USP34: variants seen among roughly 807,000 people sequenced by gnomAD.
The protein encoded by USP34 is ubiquitin specific peptidase 34.
A neutral mutation model predicts 460.3 loss-of-function variants in USP34; 70 were observed. The ratio of observed to expected loss-of-function variants is 0.15; its 90% CI spans 0.13 to 0.19. The LOEUF (loss-of-function observed/expected upper bound fraction) is 0.19, where lower values mean the gene tolerates loss of function less well. Among genes scored for constraint, USP34 ranks in the 10% least tolerant of loss-of-function variants. The pLI is 1.00. For missense variants in USP34, 3,985 were observed against 4,236.2 expected (o/e 0.94, Z 1.65); for synonymous variants, 1,647 against 1,405.3 (o/e 1.17, Z -3.85).
chr2:61,267,397 A>G (rs936237456), intron 41 of USP34, among the ~76,000 whole-genome samples: 2 of 152,182 alleles, frequency 1.3e-5, no homozygotes, highest in Middle Eastern at 3.2e-3. Context: ...AGTTCTTAGC[A>G]AAGAAACGTT....
chr2:61,354,283 C>T (rs909813183), intron 10 of USP34, among the ~76,000 whole-genome samples: 3 of 152,092 alleles, frequency 2.0e-5, no homozygotes, highest in South Asian at 4.1e-4. Flanking sequence ...AAGAGATCCT[C>T]GATAAGATTA....
At chr2:61,371,498 A>G (rs181686539) in intron 8 of USP34, among the ~76,000 whole-genome samples, 3 of 152,192 alleles carry the variant, frequency 2.0e-5, no homozygotes, top group African/African-American at 7.2e-5. Context: ...TAAAGAAAAA[A>G]TACTTTTGTA....
At chr2:61,358,094 A>T (rs1692160130) in intron 10 of USP34, among the ~76,000 whole-genome samples, 2 of 152,164 alleles carry the variant, frequency 1.3e-5, no homozygotes, top group Non-Finnish European at 2.9e-5. Context: ...CAGGAGGCTG[A>T]GACAGGAGAA....
chr2:61,246,847 T>C (rs1006492512), intron 49 of USP34, among the ~76,000 whole-genome samples: 2 of 152,138 alleles, frequency 1.3e-5, no homozygotes, highest in African/African-American at 4.8e-5. Context: ...ATCTGACTAA[T>C]CTTTTGAAAT....
intron 75 of USP34, chr2:61,200,504 T>TC (rs1315472612): frequency 6.6e-6 from 1 of 152,348 alleles, no homozygotes; most frequent in Non-Finnish European, 1.5e-5. Context: ...CTCTTTATCC[T>TC]CTAACCAATC....
At chr2:61,257,857 G>GC (rs1261872174) in intron 44 of USP34, among the ~76,000 whole-genome samples, 2 of 152,062 alleles carry the variant, frequency 1.3e-5, no homozygotes, top group Non-Finnish European at 2.9e-5. Flanking sequence ...CCTGGCAACA[G>GC]CAAGACTCCA....
In USP34 at chr2:61,329,191, T is replaced by G. The variant is rs1356800683; in HGVS notation, c.2930+2085A>C. On this transcript the variant is annotated intron_variant, in intron 20 of 79. Transcript: ENST00000398571. ...CATGCGCCACCACGCCTGCCTTTTTTTTTTTTGTATTTTTAGTAAAGACGA... is the reference window on the plus strand; with the variant it reads ...CATGCGCCACCACGCCTGCCTTTTTGTTTTTTGTATTTTTAGTAAAGACGA... Among the ~76,000 whole-genome samples, 5 of 152,058 alleles carry G rather than the reference T, an allele frequency of 3.3e-5. 1 individual carries two copies. Among genetic ancestry groups the G allele is most frequent in the Admixed American group, 2.6e-4 (4 of 15,256 alleles).
intron 7 of USP34, among the ~76,000 whole-genome samples, chr2:61,379,078 G>C (rs1222305124): frequency 2.0e-5 from 3 of 152,110 alleles, no homozygotes; most frequent in African/African-American, 7.2e-5. Flanking sequence ...TTTCAGGAAA[G>C]ACTCCCCAGA....
intron 2 of USP34, among the ~76,000 whole-genome samples, chr2:61,410,141 A>C (rs1693996556): frequency 6.6e-6 from 1 of 152,134 alleles, no homozygotes; most frequent in African/African-American, 2.4e-5. Context: ...TCTATTGTGC[A>C]CGTTATAGTA....
chr2:61,287,480 G>A (rs1689724249), intron 34 of USP34, among the ~76,000 whole-genome samples: 1 of 152,164 alleles, frequency 6.6e-6, no homozygotes, highest in African/African-American at 2.4e-5. Flanking sequence ...GGTCTGAACT[G>A]CACAGATCCA....
rs1686595936 is a variant in USP34 at position 61,190,295 on chromosome 2, G to A, written c.9849C>T (p.Ser3283=). 6.2e-7 allele frequency: 1 copy of A among 1,613,110 alleles called. No individual in the cohort carries two copies. The highest frequency in any genetic ancestry group is 8.5e-7 in the Non-Finnish European group (1 of 1,179,760). Residue 3283 remains serine (S), a synonymous_variant, in exon 78 of 80, where the codon TCC becomes TCT. Coordinates refer to ENST00000398571, the MANE Select transcript of USP34 (RefSeq NM_014709.4). The part of the protein sequence containing the change: ...QSDFSNRVEI[S]KASASLNGDL... Reference sequence around the variant, plus strand: ...CCCCATTTAAAGAAGCACTTGCTTTGGAAATTTCAACTCGGTTGGAGAAAT... The same window carrying A: ...CCCCATTTAAAGAAGCACTTGCTTTAGAAATTTCAACTCGGTTGGAGAAAT...
At chr2:61,342,812 T>C (rs1318121430) in intron 16 of USP34, among the ~76,000 whole-genome samples, 4 of 152,198 alleles carry the variant, frequency 2.6e-5, no homozygotes, top group Non-Finnish European at 5.9e-5. Flanking sequence ...AACCATTTTG[T>C]TCAATTTCTA....
At chr2:61,451,485 G>T (rs186501095) in intron 1 of USP34, among the ~76,000 whole-genome samples, 1 of 151,638 alleles carries the variant, frequency 6.6e-6, no homozygotes, top group Non-Finnish European at 1.5e-5. Flanking sequence ...GGCAGCTCAC[G>T]ACCAGCCTGA....
At chr2:61,189,107 G>A in intron 78 of USP34, 38 bp from the exon 79 acceptor site, 2 of 1,591,904 alleles carry the variant, frequency 1.3e-6, no homozygotes, top group Non-Finnish European at 8.5e-7. Flanking sequence ...AAATTCTAAA[G>A]CCAACACTTT....
chr2:61,265,230 TA>T (rs2103917163), intron 43 of USP34, 166 bp downstream of exon 43: 1 of 737,994 alleles, frequency 1.4e-6, no homozygotes. Context: ...AGTAATCTAC[TA>T]AAATGTATAA....
intron 76 of USP34, 91 bp from the exon 77 acceptor site, chr2:61,190,749 T>G: frequency 1.4e-6 from 2 of 1,450,380 alleles, no homozygotes; most frequent in East Asian, 2.3e-5. Flanking sequence ...CATACACTTG[T>G]GTATGATGGA....
intron 68 of USP34, 33 bp from the exon 69 acceptor site, chr2:61,211,962 A>G (rs1340756756): frequency 3.2e-6 from 5 of 1,578,958 alleles, no homozygotes; most frequent in Non-Finnish European, 4.3e-6. Context: ...ATGATCTTTT[A>G]ACCCTATAGC....
chr2:61,373,529 CA>C (rs1187527346), intron 8 of USP34, among the ~76,000 whole-genome samples: 1 of 150,322 alleles, frequency 6.7e-6, no homozygotes, highest in East Asian at 1.9e-4. Flanking sequence ...TAGACTAAGC[CA>C]AAAAATGTCT....
chr2:61,239,300 TCACACACACACACACACACACA>T (rs60152908), intron 53 of USP34, among the ~76,000 whole-genome samples: 32 of 132,766 alleles, frequency 2.4e-4, no homozygotes, highest in Non-Finnish European at 3.2e-4. Flanking sequence ...GAGGGCCCTG[TCACACACACACACACACACACA>T]CACACACACA....
Sources: allele counts gnomAD v4.1 joint callset (sites outside exome capture counted in the v4.1 genomes callset), GRCh38; gene constraint gnomAD v4.1.1; transcripts MANE v1.5; gene names NCBI Gene and HGNC (gene_info 2026-07-23, HGNC 2026-07-21).